RBFOX1: variants seen among roughly 807,000 people sequenced by gnomAD.
RBFOX1 encodes the protein RNA binding protein fox-1 homolog 1.
In RBFOX1, 8 loss-of-function variants were observed where a neutral mutation model predicts 57.7. That is an observed-to-expected ratio of 0.14 (90% CI 0.08 to 0.25). The LOEUF (loss-of-function observed/expected upper bound fraction) is 0.25. Ranked by LOEUF, RBFOX1 falls within the 10% of genes least tolerant of loss-of-function variation. The pLI, the probability that RBFOX1 is intolerant of heterozygous loss-of-function variation, is 1.00. For missense variants in RBFOX1, 611 were observed against 548.5 expected (o/e 1.11, Z -1.14); for synonymous variants, 326 against 222.4 (o/e 1.47, Z -4.15).
chr16:6,955,370 A>ACG (rs1195568068), intron 3 of RBFOX1, among the ~76,000 whole-genome samples: 1 of 150,110 alleles, frequency 6.7e-6, no homozygotes, highest in Non-Finnish European at 1.5e-5. Context: ...ACACACACAC[A>ACG]CACGTGCACA....
At chr16:7,498,496 G>T (rs192768965) in intron 4 of RBFOX1, among the ~76,000 whole-genome samples, 2 of 151,974 alleles carry the variant, frequency 1.3e-5, no homozygotes, top group African/African-American at 4.8e-5. Flanking sequence ...AACAAAATGC[G>T]TGATTTTAAT....
chr16:5,498,367 C>T (rs998911956), intron 2 of RBFOX1, among the ~76,000 whole-genome samples: 2 of 152,176 alleles, frequency 1.3e-5, no homozygotes, highest in African/African-American at 2.4e-5. Flanking sequence ...TGGTCTCAAC[C>T]TCCTGAACTC....
At chr16:7,269,043 C>CAAAAAAAAAAAA (rs56297510) in intron 4 of RBFOX1, among the ~76,000 whole-genome samples, 1 of 52,262 alleles carries the variant, frequency 1.9e-5, no homozygotes, top group African/African-American at 6.2e-5. Flanking sequence ...TCTTCCATCT[C>CAAAAAAAAAAAA]AAAAAAAAAA....
intron 2 of RBFOX1, among the ~76,000 whole-genome samples, chr16:6,538,697 A>T (rs2096768943): frequency 6.6e-6 from 1 of 152,214 alleles, no homozygotes; most frequent in Non-Finnish European, 1.5e-5. Flanking sequence ...AAACCAAGGT[A>T]AACACAGAAT....
Position 6,076,405 on chromosome 16 carries a change from C to T in RBFOX1, c.-127+56413C>T, listed in dbSNP as rs114528375. 4.5e-3 allele frequency among the ~76,000 whole-genome samples: 689 copies of T among 152,114 alleles called. 6 individuals carry two copies. Among genetic ancestry groups the T allele is most frequent in the African/African-American group, 0.015 (632 of 41,464 alleles). On this transcript the variant is annotated intron_variant, in intron 1 of 15. Coordinates refer to ENST00000550418, the MANE Select transcript of RBFOX1 (RefSeq NM_018723.4). ...ATATGCTTTTTAACTGTTTGACCTT[C>T]GGTAGGTCAGTAGGTTAGCGAGTGC...
At chr16:6,785,082 G>A (rs529494502) in intron 3 of RBFOX1, among the ~76,000 whole-genome samples, 10 of 152,206 alleles carry the variant, frequency 6.6e-5, no homozygotes, top group African/African-American at 1.9e-4. Flanking sequence ...AATACTGGAT[G>A]TGACTTTAGA....
chr16:7,206,608 A>C (rs1379698756), intron 4 of RBFOX1, among the ~76,000 whole-genome samples: 3 of 152,042 alleles, frequency 2.0e-5, no homozygotes, highest in Non-Finnish European at 2.9e-5. Context: ...GTCATATCGT[A>C]CTCAAGTTGA....
intron 2 of RBFOX1, among the ~76,000 whole-genome samples, chr16:5,509,986 C>A (rs1480023485): frequency 1.3e-5 from 2 of 152,160 alleles, no homozygotes; most frequent in East Asian, 3.9e-4. Context: ...GGGCTTGGAG[C>A]CAGAGTGCCT....
chr16:5,766,541 C>T lies in RBFOX1; in HGVS notation c.319-100762C>T, dbSNP rs184188512. Among the ~76,000 whole-genome samples the T allele has an allele frequency of 7.1e-3, 1,079 of 152,250 alleles. 14 individuals are homozygous for T. Among genetic ancestry groups the T allele is most frequent in the African/African-American group, 0.024 (1,016 of 41,536 alleles). On this transcript the variant is annotated intron_variant, in intron 3 of 19. Transcript: ENST00000641259. ...CAGAGGTTGCAGTGAGCCGAGATCA[C>T]ATCACTGTACTCCAGCCCGGGCAAC...
intron 1 of RBFOX1, among the ~76,000 whole-genome samples, chr16:6,316,240 G>T (rs1267459013): frequency 6.6e-6 from 1 of 152,064 alleles, no homozygotes. Context: ...TGATTTTTCT[G>T]GTAGGAGATG....
chr16:6,616,890 G>A (rs1247626618), intron 2 of RBFOX1, among the ~76,000 whole-genome samples: 1 of 152,192 alleles, frequency 6.6e-6, no homozygotes, highest in Non-Finnish European at 1.5e-5. Flanking sequence ...TGTAAATTAA[G>A]TTTTATTGGA....
intron 1 of RBFOX1, among the ~76,000 whole-genome samples, chr16:5,286,900 A>G (rs1419952302): frequency 3.3e-5 from 5 of 152,240 alleles, no homozygotes; most frequent in African/African-American, 4.8e-5. Flanking sequence ...CCCTTGGTCT[A>G]TAGTTTGCCA....
intron 3 of RBFOX1, among the ~76,000 whole-genome samples, chr16:6,886,353 C>T (rs114844457): frequency 0.013 from 1,981 of 152,098 alleles, 46 homozygotes; most frequent in African/African-American, 0.044. Flanking sequence ...TGAGTCACTG[C>T]GCCCGGCCCA....
At chr16:6,852,735 G>C (rs781203645) in intron 3 of RBFOX1, among the ~76,000 whole-genome samples, 4 of 151,996 alleles carry the variant, frequency 2.6e-5, no homozygotes, top group South Asian at 2.1e-4. Flanking sequence ...CTGGGAACTA[G>C]CTGTCTAGGT....
intron 2 of RBFOX1, among the ~76,000 whole-genome samples, chr16:5,496,777 C>T (rs561684699): frequency 6.7e-4 from 102 of 152,256 alleles, no homozygotes; most frequent in Admixed American, 1.6e-3. Context: ...ATCCCTGTGT[C>T]GAGATCCATT....
chr16:6,514,209 G>A (rs2096320158), intron 2 of RBFOX1, among the ~76,000 whole-genome samples: 1 of 152,158 alleles, frequency 6.6e-6, no homozygotes, highest in Admixed American at 6.5e-5. Flanking sequence ...CTTTGGGGAT[G>A]CTCTCTGCTT....
chr16:7,677,270 C>A (rs2073619671), intron 14 of RBFOX1, among the ~76,000 whole-genome samples: 1 of 152,008 alleles, frequency 6.6e-6, no homozygotes, highest in Admixed American at 6.6e-5. Flanking sequence ...AGCCCCTTTC[C>A]TTTTTACAAG....
At chr16:7,125,689 T>C (rs2068328769) in intron 4 of RBFOX1, among the ~76,000 whole-genome samples, 1 of 152,146 alleles carries the variant, frequency 6.6e-6, no homozygotes, top group African/African-American at 2.4e-5. Context: ...CTCTAAAATT[T>C]AACACTTTTT....
chr16:7,426,683 C>T (rs552081474), intron 4 of RBFOX1, among the ~76,000 whole-genome samples: 6 of 152,248 alleles, frequency 3.9e-5, no homozygotes, highest in South Asian at 4.2e-4. Flanking sequence ...GGACATGATG[C>T]GTTGCATATT....
Sources: allele counts gnomAD v4.1 joint callset (sites outside exome capture counted in the v4.1 genomes callset), GRCh38; gene constraint gnomAD v4.1.1; transcripts MANE v1.5; gene names NCBI Gene and HGNC (gene_info 2026-07-23, HGNC 2026-07-21).